ZNF529: variants seen among roughly 807,000 people sequenced by gnomAD.
ZNF529 encodes the protein zinc finger protein 529.
Under a neutral mutation model 10.1 loss-of-function variants are expected in ZNF529, and 11 were observed. That is an observed-to-expected ratio of 1.09 (90% CI 0.69 to 1.81). ZNF529 has a LOEUF of 1.81. ZNF529 is among the 40% of genes most tolerant of loss of function. The pLI, the probability that ZNF529 is intolerant of heterozygous loss-of-function variation, is 0.00. For synonymous variants in ZNF529, 204 were observed against 215.7 expected, an observed-to-expected ratio of 0.95 and a Z score of 0.47; for missense variants, 624 against 666.8, an observed-to-expected ratio of 0.94 and a Z score of 0.71.
At position 36,547,938 on chromosome 19, in the gene ZNF529, G is replaced by C; in HGVS notation, c.620C>G (p.Thr207Ser). The C allele has an allele frequency of 6.2e-7, 1 of 1,612,450 alleles. No individual in the cohort carries two copies. The change falls in exon 5 of 5, where the codon ACC becomes AGC. Residue 207 changes from threonine to serine, a missense_variant. Transcript: ENST00000591340. ...CATACTGGAGTTATCTATCCCAAAG[G>C]TTTTCCAACATTGATTACATTCATA... ...KNYECNQCWKTFGIDNSSMLQ... is the reference protein window; with the variant it reads ...KNYECNQCWKSFGIDNSSMLQ...
At chr19:36,592,797 T>C (rs2036753830) in intron 1 of ZNF529, among the ~76,000 whole-genome samples, 1 of 152,170 alleles carries the variant, frequency 6.6e-6, no homozygotes, top group Admixed American at 6.6e-5. Flanking sequence ...TGGCATTGTT[T>C]TCTGCTTAAC....
rs1022225179 is a variant in ZNF529, at chr19:36,546,282, CTATG to C, written c.*580_*583del. On this transcript the variant is annotated 3_prime_UTR_variant, in exon 5 of 5. Coordinates refer to ENST00000591340, the MANE Select transcript of ZNF529 (RefSeq NM_020951.5). ...TGTTATGGTGGAATATAACCAGTTCCTATGTATGTGTTTTTTTGGGGGGAATATG... is the reference window on the plus strand; with the variant it reads ...TGTTATGGTGGAATATAACCAGTTCCTATGTGTTTTTTTGGGGGGAATATG... 4.6e-5 allele frequency: 7 copies of C among 150,996 alleles called. No individual in the cohort carries two copies. The highest frequency in any genetic ancestry group is 1.7e-4 in the African/African-American group (7 of 40,880). 9.4% of individuals were successfully genotyped at this position (150,996 alleles called of 1,614,324 possible).
chr19:36,553,786 A>G (rs770135074), intron 4 of ZNF529, among the ~76,000 whole-genome samples: 2 of 152,202 alleles, frequency 1.3e-5, no homozygotes, highest in Non-Finnish European at 2.9e-5. Context: ...CGAATCTACA[A>G]TCTGAAATTC....
intron 4 of ZNF529, among the ~76,000 whole-genome samples, chr19:36,549,193 AT>A (rs2035168779): frequency 6.6e-6 from 1 of 152,156 alleles, no homozygotes; most frequent in African/African-American, 2.4e-5. Context: ...TTGACCCTAA[AT>A]AACTTCATTT....
At chr19:36,594,068 T>C (rs1259547135) in intron 1 of ZNF529, 7 of 152,176 alleles carry the variant, frequency 4.6e-5, no homozygotes, top group Non-Finnish European at 8.8e-5. Flanking sequence ...CACACTCTGC[T>C]AATGCTGACC....
At chr19:36,587,234 G>A (rs528301913) in intron 2 of ZNF529, among the ~76,000 whole-genome samples, 18 of 149,928 alleles carry the variant, frequency 1.2e-4, no homozygotes, top group South Asian at 4.2e-4. Context: ...CACTGTACTC[G>A]AGCCTGGGTG....
intron 1 of ZNF529, among the ~76,000 whole-genome samples, chr19:36,590,212 C>T (rs1305152702): frequency 6.6e-6 from 1 of 151,832 alleles, no homozygotes; most frequent in Non-Finnish European, 1.5e-5. Context: ...CTACAAAATA[C>T]AAAAATTAAC....
chr19:36,596,450 T>G (rs1399855841), intron 1 of ZNF529, among the ~76,000 whole-genome samples: 1 of 152,106 alleles, frequency 6.6e-6, no homozygotes, highest in African/African-American at 2.4e-5. Context: ...TCTATTTTTT[T>G]GACATAAATA....
At chr19:36,562,201 G>A (rs2035726930) in intron 2 of ZNF529, among the ~76,000 whole-genome samples, 1 of 151,660 alleles carries the variant, frequency 6.6e-6, no homozygotes, top group South Asian at 2.1e-4. Context: ...TCGCACCATT[G>A]CACTGCAGCC....
At chr19:36,586,466 G>C (rs989470095) in intron 2 of ZNF529, among the ~76,000 whole-genome samples, 2 of 152,096 alleles carry the variant, frequency 1.3e-5, no homozygotes, top group African/African-American at 4.8e-5. Flanking sequence ...TTAGCCGGGC[G>C]TGGTGGTGTG....
chr19:36,587,559 A>G (rs1278430793), intron 2 of ZNF529: 1 of 152,184 alleles, frequency 6.6e-6, no homozygotes, highest in African/African-American at 2.4e-5. Context: ...AGGCACATAA[A>G]TCTTCACAGA....
intron 1 of ZNF529, among the ~76,000 whole-genome samples, chr19:36,590,364 G>A (rs897749579): frequency 6.6e-6 from 1 of 152,014 alleles, no homozygotes; most frequent in African/African-American, 2.4e-5. Context: ...GGCAGAGTGA[G>A]ACTTTACCTC....
chr19:36,560,835 GCTTCT>G (rs1568589514), intron 2 of ZNF529, among the ~76,000 whole-genome samples: 2 of 152,156 alleles, frequency 1.3e-5, no homozygotes, highest in African/African-American at 4.8e-5. Flanking sequence ...GTGCTGCTCG[GCTTCT>G]CTTAACTACT....
In ZNF529 at chr19:36,548,039, G is replaced by C. The variant is rs370950090; in HGVS notation, c.519C>G (p.Tyr173Ter). 1 of 1,613,722 alleles carries C rather than the reference G, an allele frequency of 6.2e-7. No homozygotes were observed. Among genetic ancestry groups the C allele is most frequent in the Non-Finnish European group, 8.5e-7 (1 of 1,179,866 alleles). ...AACTGAAGACCTTCTCATATTCCTTGTATTCATAGGGCTTCTCACTGTCAT... is the reference window on the plus strand; with the variant it reads ...AACTGAAGACCTTCTCATATTCCTTCTATTCATAGGGCTTCTCACTGTCAT... ...RTHDSEKPYE[Y>*]KEYEKVFSCD... Residue 173 changes from tyrosine (Y) to a stop codon, truncating the protein, a stop_gained, in exon 5 of 5, where the codon TAC (tyrosine) becomes TAG (stop). Coordinates refer to ENST00000591340, the MANE Select transcript of ZNF529 (RefSeq NM_020951.5). LOFTEE classifies it low-confidence loss of function (END_TRUNC).
At chr19:36,599,838 A>T (rs1047819693) in intron 1 of ZNF529, among the ~76,000 whole-genome samples, 5 of 152,112 alleles carry the variant, frequency 3.3e-5, no homozygotes, top group Non-Finnish European at 7.4e-5. Context: ...TGACCAAAAT[A>T]AACAAGCCTA....
Position 36,602,994 on chromosome 19 carries a change from T to C in ZNF529, c.-128+2132A>G, listed in dbSNP as rs73931633. 4.3e-3 allele frequency among the ~76,000 whole-genome samples: 643 copies of C among 150,300 alleles called. 6 individuals carry two copies. The highest frequency in any genetic ancestry group is 0.015 in the African/African-American group (604 of 40,880). ...CTCATGCAAGAACTAGCTGGTACCA[T>C]ATAAATCTCCTAAGGTATCCCCTCG... On this transcript the variant is annotated intron_variant, in intron 1 of 4. Transcript: ENST00000585960.
At chr19:36,548,643 A>C (rs2035145084) in intron 4 of ZNF529, among the ~76,000 whole-genome samples, 1 of 152,254 alleles carries the variant, frequency 6.6e-6, no homozygotes, top group Non-Finnish European at 1.5e-5. Flanking sequence ...TCAAAATTTG[A>C]TAATCCATAT....
At chr19:36,575,288 A>G (rs1355504240), upstream of ZNF529, among the ~76,000 whole-genome samples, 5 of 152,362 alleles carry the variant, frequency 3.3e-5, no homozygotes, top group East Asian at 9.6e-4. Flanking sequence ...TATCACAAGC[A>G]TTGGAAACTA....
intron 1 of ZNF529, among the ~76,000 whole-genome samples, chr19:36,572,909 G>GAACA (rs74174417): frequency 1.3e-5 from 2 of 150,134 alleles, no homozygotes; most frequent in Admixed American, 6.6e-5. Context: ...GGAAAAAAAC[G>GAACA]AACAAACAAA....
Sources: gnomAD v4.1 joint callset for allele counts (sites outside exome capture counted in the v4.1 genomes callset) on GRCh38, gnomAD v4.1.1 for gene constraint, MANE v1.5 for transcripts, NCBI Gene and HGNC (gene_info 2026-07-23, HGNC 2026-07-21) for gene names.